TIAM2: variants seen among roughly 807,000 people sequenced by gnomAD.
TIAM2 encodes rho guanine nucleotide exchange factor TIAM2.
In TIAM2, 80 loss-of-function variants were observed where a neutral mutation model predicts 152.9. That is an observed-to-expected ratio of 0.52 (90% CI 0.44 to 0.63). The LOEUF (loss-of-function observed/expected upper bound fraction) is 0.63, where lower values mean the gene tolerates loss of function less well. Ranked by LOEUF, TIAM2 falls within the 30% of genes least tolerant of loss-of-function variation. The pLI is 0.00. For missense variants in TIAM2, 1,965 were observed against 2,120.1 expected, an observed-to-expected ratio of 0.93 and a Z score of 1.44; for synonymous variants, 804 against 838.0, an observed-to-expected ratio of 0.96 and a Z score of 0.70.
intron 6 of TIAM2, among the ~76,000 whole-genome samples, chr6:155,145,282 G>A (rs180945526): frequency 1.3e-5 from 2 of 152,292 alleles, no homozygotes; most frequent in East Asian, 3.9e-4. Context: ...GTTATCTACT[G>A]TTAGAATTTT....
chr6:155,066,246 CCTCCACTTCCAT>C (rs1341958936), intron 1 of TIAM2, among the ~76,000 whole-genome samples: 1 of 87,756 alleles, frequency 1.1e-5, no homozygotes, highest in African/African-American at 3.8e-5. Context: ...CTTTTTGAAG[CCTCCACTTCCAT>C]CTCCACTTTC....
At chr6:155,023,449 C>T (rs756256375) in intron 1 of TIAM2, among the ~76,000 whole-genome samples, 2 of 152,078 alleles carry the variant, frequency 1.3e-5, no homozygotes, top group Non-Finnish European at 2.9e-5. Context: ...TTTTCGGCTG[C>T]GTCTAAATTT....
chr6:155,208,849 C>T (rs915005506), intron 14 of TIAM2, among the ~76,000 whole-genome samples: 7 of 151,984 alleles, frequency 4.6e-5, no homozygotes, highest in African/African-American at 1.2e-4. Flanking sequence ...ATCCGTCCAT[C>T]GAGGACACTC....
intron 2 of TIAM2, among the ~76,000 whole-genome samples, chr6:155,099,928 A>C (rs1778517069): frequency 6.6e-6 from 1 of 152,260 alleles, no homozygotes; most frequent in South Asian, 2.1e-4. Flanking sequence ...ACTGTAGTGA[A>C]TACTGTAGGC....
intron 14 of TIAM2, among the ~76,000 whole-genome samples, chr6:155,187,735 C>T (rs907949550): frequency 9.2e-5 from 14 of 151,984 alleles, no homozygotes; most frequent in African/African-American, 2.9e-4. Flanking sequence ...TGCACCACCA[C>T]GCCTGGCTAA....
intron 15 of TIAM2, among the ~76,000 whole-genome samples, chr6:155,215,391 TCAA>T (rs1458630233): frequency 6.6e-6 from 1 of 152,094 alleles, no homozygotes; most frequent in East Asian, 1.9e-4. Flanking sequence ...AATAATAACA[TCAA>T]CGAACACAGA....
chr6:155,224,731 C>G (rs1297791300), intron 15 of TIAM2, among the ~76,000 whole-genome samples: 2 of 152,244 alleles, frequency 1.3e-5, no homozygotes, highest in African/African-American at 4.8e-5. Flanking sequence ...TTTGCGCTCT[C>G]TCATTCTTTG....
intron 1 of TIAM2, among the ~76,000 whole-genome samples, chr6:155,027,883 CTG>C (rs1234682699): frequency 2.2e-5 from 2 of 88,976 alleles, no homozygotes; most frequent in Non-Finnish European, 4.1e-5. Flanking sequence ...AATATATGTA[CTG>C]TGTTACATAT....
intron 14 of TIAM2, among the ~76,000 whole-genome samples, chr6:155,193,499 G>C (rs1461889857): frequency 6.6e-6 from 1 of 152,206 alleles, no homozygotes; most frequent in South Asian, 2.1e-4. Context: ...TTGTTGGACA[G>C]TTTGAATTAT....
chr6:155,012,189 T>C (rs1778501335), intron 1 of TIAM2, among the ~76,000 whole-genome samples: 1 of 152,230 alleles, frequency 6.6e-6, no homozygotes, highest in Admixed American at 6.5e-5. Flanking sequence ...AAACAGTTTA[T>C]GTTCAAACCT....
chr6:155,228,814 C>T (rs143745694), intron 15 of TIAM2, among the ~76,000 whole-genome samples: 27 of 152,300 alleles, frequency 1.8e-4, no homozygotes, highest in African/African-American at 4.1e-4. Context: ...CTGTTCCCAC[C>T]GCTCTGGCAC....
intron 7 of TIAM2, among the ~76,000 whole-genome samples, chr6:155,151,849 CTTTT>C (rs5881123): frequency 7.8e-6 from 1 of 127,680 alleles, no homozygotes; most frequent in Non-Finnish European, 1.6e-5. Flanking sequence ...CTTTTTTTTT[CTTTT>C]TTTTTTTTGA....
intron 14 of TIAM2, among the ~76,000 whole-genome samples, chr6:155,200,080 C>T (rs541592433): frequency 6.6e-6 from 1 of 152,156 alleles, no homozygotes; most frequent in East Asian, 1.9e-4. Flanking sequence ...AAAGATTTAT[C>T]TATTAATATA....
chr6:155,046,331 CTTTTT>C (rs1164422319), intron 1 of TIAM2, among the ~76,000 whole-genome samples: 64 of 80,782 alleles, frequency 7.9e-4, no homozygotes, highest in Non-Finnish European at 1.2e-3. Context: ...TTGGCTCTGT[CTTTTT>C]TTTTTTTTTT....
chr6:155,083,639 A>T (rs770747254), intron 1 of TIAM2, among the ~76,000 whole-genome samples: 6 of 152,196 alleles, frequency 3.9e-5, no homozygotes, highest in Non-Finnish European at 7.3e-5. Context: ...GGAAGTGATG[A>T]GGAATTATTA....
At chr6:155,056,992 A>C (rs796302988) in intron 1 of TIAM2, among the ~76,000 whole-genome samples, 2 of 135,470 alleles carry the variant, frequency 1.5e-5, no homozygotes, top group Non-Finnish European at 3.2e-5. Context: ...ATAGTTTGCT[A>C]GTAGAATGTT....
At chr6:155,052,448 C>T (rs779548676) in intron 1 of TIAM2, among the ~76,000 whole-genome samples, 5 of 151,906 alleles carry the variant, frequency 3.3e-5, no homozygotes, top group Non-Finnish European at 5.9e-5. Flanking sequence ...GCTTAATAAA[C>T]TCTGAATAAC....
At chr6:155,194,975 G>A (rs909499088) in intron 14 of TIAM2, among the ~76,000 whole-genome samples, 20 of 152,280 alleles carry the variant, frequency 1.3e-4, no homozygotes, top group Non-Finnish European at 2.1e-4. Flanking sequence ...TGTGAAGAAA[G>A]ACATGTTTGC....
chr6:155,103,020 T>C (rs1241648625), intron 2 of TIAM2, among the ~76,000 whole-genome samples: 1 of 152,214 alleles, frequency 6.6e-6, no homozygotes, highest in African/African-American at 2.4e-5. Flanking sequence ...TTCTCAGAGA[T>C]CTTTGCCAAG....
Sources: allele counts gnomAD v4.1 joint callset (sites outside exome capture counted in the v4.1 genomes callset), GRCh38; gene constraint gnomAD v4.1.1; transcripts MANE v1.5; gene names NCBI Gene and HGNC (gene_info 2026-07-23, HGNC 2026-07-21).